NINL: variants seen among roughly 807,000 people sequenced by gnomAD.
NINL encodes ninein like.
A neutral mutation model predicts 160.3 loss-of-function variants in NINL; 153 were observed. The ratio of observed to expected loss-of-function variants is 0.95; its 90% CI spans 0.84 to 1.09. The LOEUF is 1.09. Ranked by LOEUF, NINL falls within the 50% of genes least tolerant of loss-of-function variation. The probability of loss-of-function intolerance (pLI) is 0.00; values close to 1 mark genes in which losing one functional copy is unlikely to be tolerated. For missense variants in NINL, 1,829 were observed against 1,764.0 expected (o/e 1.04, Z -0.66); for synonymous variants, 800 against 734.8 (o/e 1.09, Z -1.43).
chr20:25,568,721 T>C (rs925684468), intron 1 of NINL, among the ~76,000 whole-genome samples: 1 of 151,890 alleles, frequency 6.6e-6, no homozygotes, highest in African/African-American at 2.4e-5. Context: ...ACCAATTTCT[T>C]AAAAACCACA....
chr20:25,554,275 C>G (rs1479580807), intron 1 of NINL, among the ~76,000 whole-genome samples: 1 of 152,136 alleles, frequency 6.6e-6, no homozygotes, highest in Non-Finnish European at 1.5e-5. Flanking sequence ...AACCAAGGCC[C>G]AAAGACAGAC....
chr20:25,569,744 C>G (rs6138604), intron 1 of NINL, among the ~76,000 whole-genome samples: 23,998 of 152,142 alleles, frequency 0.16, 2,174 homozygotes, highest in East Asian at 0.35. Context: ...GCGGAGGAAG[C>G]AGCCACAGGA....
At chr20:25,493,966 A>C (rs2063693709) in intron 10 of NINL, among the ~76,000 whole-genome samples, 1 of 152,110 alleles carries the variant, frequency 6.6e-6, no homozygotes, top group South Asian at 2.1e-4. Context: ...CCTGAAAATG[A>C]CCACAGTCCC....
intron 1 of NINL, among the ~76,000 whole-genome samples, chr20:25,576,732 G>T (rs930932871): frequency 2.0e-5 from 3 of 152,152 alleles, no homozygotes; most frequent in African/African-American, 7.2e-5. Flanking sequence ...AAAGTTCTGG[G>T]ATTACATGCA....
At chr20:25,530,062 CTT>C (rs2064430233) in intron 1 of NINL, among the ~76,000 whole-genome samples, 1 of 152,256 alleles carries the variant, frequency 6.6e-6, no homozygotes, top group Middle Eastern at 3.4e-3. Context: ...AATTCCTCTA[CTT>C]TTTTTCTCTT....
chr20:25,512,466 G>A (rs2064087630), intron 4 of NINL, among the ~76,000 whole-genome samples: 1 of 152,166 alleles, frequency 6.6e-6, no homozygotes. Flanking sequence ...AAAGTGTGTA[G>A]CACCTCTCCC....
At chr20:25,460,530 T>G (rs1457688633) in intron 21 of NINL, among the ~76,000 whole-genome samples, 4 of 152,130 alleles carry the variant, frequency 2.6e-5, no homozygotes, top group African/African-American at 7.2e-5. Context: ...ACTCCTCACC[T>G]CAAAGGACTC....
chr20:25,496,673 T>A lies in NINL; in HGVS notation c.1300A>T (p.Lys434Ter). Residue 434 changes from lysine (K) to a stop codon, truncating the protein, a stop_gained, in exon 10 of 24, where the codon AAG becomes TAG. Transcript: ENST00000278886. LOFTEE classifies it high-confidence loss of function. ...GGGCCCAGAACCCACTTGATTTTCT[T>A]CTCCGTGAGCTGCTCCAGGGTGGAG... ...CHSTLEQLTE[K>*]KIKHLEQGYR... 1 of 1,614,044 alleles carries A rather than the reference T, an allele frequency of 6.2e-7. No homozygotes were observed. The highest frequency in any genetic ancestry group is 8.5e-7 in the Non-Finnish European group (1 of 1,179,996).
intron 1 of NINL, among the ~76,000 whole-genome samples, chr20:25,535,379 C>T (rs2064538731): frequency 6.6e-6 from 1 of 152,036 alleles, no homozygotes. Flanking sequence ...ATTGTATACT[C>T]AAAAATTGCT....
intron 2 of NINL, among the ~76,000 whole-genome samples, chr20:25,519,689 C>T (rs189612846): frequency 7.2e-5 from 11 of 152,178 alleles, no homozygotes; most frequent in East Asian, 5.8e-4. Context: ...CACAGTAACA[C>T]GAATGTATCT....
In NINL at chr20:25,454,482, C is replaced by T. The variant is rs549033140; in HGVS notation, c.3958-840G>A. ...GCCAGGGAGAAAGGGTGAGAGGGAC[C>T]GGGGGCACCAGTAGGGGAGGAAGCT... On this transcript the variant is annotated intron_variant, in intron 23 of 23. Coordinates refer to ENST00000278886, the MANE Select transcript of NINL (RefSeq NM_025176.6). Among the ~76,000 whole-genome samples the T allele has an allele frequency of 3.3e-5, 5 of 152,052 alleles. No homozygotes were observed. In the East Asian group the frequency reaches 7.7e-4, roughly 24 times the overall value.
At position 25,552,395 on chromosome 20, in the gene NINL, C is replaced by T. The variant is rs1199345734; in HGVS notation, c.-11-25797G>A. Among the ~76,000 whole-genome samples the T allele has an allele frequency of 2.0e-5, 3 of 152,044 alleles. No individual in the cohort carries two copies. The East Asian group carries it at 5.8e-4, about 29-fold the overall frequency. ...TCAAAAAGAACGCTGACAAACTAAC[C>T]ATATACATAGGTTAAACCACTTTTC... On this transcript the variant is annotated intron_variant, in intron 1 of 23. Coordinates refer to ENST00000278886, the MANE Select transcript of NINL (RefSeq NM_025176.6).
At chr20:25,469,124 CCT>C (rs531622383) in intron 18 of NINL, among the ~76,000 whole-genome samples, 6 of 148,162 alleles carry the variant, frequency 4.0e-5, no homozygotes, top group African/African-American at 1.0e-4. Flanking sequence ...TGCCCTGTCC[CCT>C]GACTCTCACT....
chr20:25,538,350 C>T lies in NINL; in HGVS notation c.-11-11752G>A, dbSNP rs573085678. Among the ~76,000 whole-genome samples the T allele has an allele frequency of 1.2e-4, 18 of 152,284 alleles. 1 individual carries two copies. In the South Asian group the frequency reaches 2.9e-3, roughly 25 times the overall value. ...CTTGCTCCTGGGCAGTGGACCACCA[C>T]GGAAGGGAGGAGTCTGCCAGGTCCT... On this transcript the variant is annotated intron_variant, in intron 1 of 23. Transcript: ENST00000278886.
At position 25,465,662 on chromosome 20, in the gene NINL, C is replaced by T. The variant is rs541331429; in HGVS notation, c.3423+1727G>A. 9.6e-4 allele frequency among the ~76,000 whole-genome samples: 146 copies of T among 152,234 alleles called. 1 individual carries two copies. The South Asian group carries it at 0.013, about 14-fold the overall frequency. On this transcript the variant is annotated intron_variant, in intron 19 of 23. Coordinates refer to ENST00000278886, the MANE Select transcript of NINL (RefSeq NM_025176.6). ...GAGACCCCACATCACAGAGCAGGGA[C>T]GGCCGTCAACGCTGTGTTTGTCTGA... is the stretch of plus-strand genomic sequence containing the variant.
intron 2 of NINL, among the ~76,000 whole-genome samples, chr20:25,526,086 C>A (rs752872491): frequency 6.6e-6 from 1 of 152,226 alleles, no homozygotes; most frequent in Non-Finnish European, 1.5e-5. Flanking sequence ...CAGGTCCAAC[C>A]CATGTGGTCT....
At chr20:25,522,742 T>C (rs1052586571) in intron 2 of NINL, among the ~76,000 whole-genome samples, 4 of 152,254 alleles carry the variant, frequency 2.6e-5, no homozygotes, top group Non-Finnish European at 5.9e-5. Flanking sequence ...TGGTGCCATT[T>C]CAGTCTGATA....
At chr20:25,477,904 G>A (rs1189036839) in intron 16 of NINL, among the ~76,000 whole-genome samples, 2 of 151,656 alleles carry the variant, frequency 1.3e-5, no homozygotes, top group Non-Finnish European at 2.9e-5. Flanking sequence ...AAAGCCTGGG[G>A]AGGCACAGGA....
chr20:25,515,213 T>C (rs1165663853), intron 3 of NINL, among the ~76,000 whole-genome samples: 4 of 152,220 alleles, frequency 2.6e-5, no homozygotes, highest in East Asian at 1.9e-4. Flanking sequence ...ACCCCTTGCA[T>C]TGGTGTGGCC....
Sources: allele counts gnomAD v4.1 joint callset (sites outside exome capture counted in the v4.1 genomes callset), GRCh38; gene constraint gnomAD v4.1.1; transcripts MANE v1.5; gene names NCBI Gene and HGNC (gene_info 2026-07-23, HGNC 2026-07-21).